Variants in SPECC1L observed in about 807,000 individuals in gnomAD.
SPECC1L encodes sperm antigen with calponin homology and coiled-coil domains 1 like, also known as cytospin-A.
Under a neutral mutation model 116.8 loss-of-function variants are expected in SPECC1L, and 40 were observed. That is an observed-to-expected ratio of 0.34 (90% CI 0.27 to 0.45). The LOEUF is 0.45. Among genes scored for constraint, SPECC1L ranks in the 20% least tolerant of loss-of-function variants. The pLI, the probability that SPECC1L is intolerant of heterozygous loss-of-function variation, is 1.00. For synonymous variants in SPECC1L, 504 were observed against 500.6 expected (o/e 1.01, Z -0.09); for missense variants, 1,110 against 1,373.6 (o/e 0.81, Z 3.03).
chr22:24,401,932 A>G (rs1423479071), intron 14 of SPECC1L, among the ~76,000 whole-genome samples: 3 of 152,114 alleles, frequency 2.0e-5, no homozygotes, highest in African/African-American at 7.2e-5. Flanking sequence ...TTAGATCAAG[A>G]GCAAAGACAT....
Position 24,276,684 on chromosome 22 carries a change from C to G in SPECC1L, c.-141-16C>G, listed in dbSNP as rs1273531277. ...TAAAATTTAAAGCTATTCTATTCTT[C>G]CTCTCTCTCTTCTAGTGTTCTTGGG... is the stretch of plus-strand genomic sequence containing the variant. On this transcript the variant is annotated splice_polypyrimidine_tract_variant and intron_variant, in intron 1 of 16. Coordinates refer to ENST00000314328, the MANE Select transcript of SPECC1L (RefSeq NM_015330.6). The G allele has an allele frequency of 1.9e-5, 8 of 415,874 alleles. No individual in the cohort carries two copies. The highest frequency in any genetic ancestry group is 3.8e-5 in the Non-Finnish European group (8 of 212,154). 25.8% of individuals were successfully genotyped at this position (415,874 alleles called of 1,614,324 possible). A position where few individuals can be genotyped will look rare whatever the true frequency, so the allele number is the denominator to read the frequency against.
chr22:24,290,559 GAC>G (rs1404883162), intron 2 of SPECC1L, among the ~76,000 whole-genome samples: 3 of 152,204 alleles, frequency 2.0e-5, no homozygotes, highest in Admixed American at 1.3e-4. Flanking sequence ...AGCAGTACTG[GAC>G]TTCTGTCTGG....
chr22:24,344,426 A>T (rs2041247441), intron 10 of SPECC1L, among the ~76,000 whole-genome samples: 1 of 152,120 alleles, frequency 6.6e-6, no homozygotes. Flanking sequence ...CTCTTTAGCA[A>T]ACTAGAAATA....
chr22:24,337,889 C>T (rs979082160), intron 9 of SPECC1L, among the ~76,000 whole-genome samples: 59 of 152,176 alleles, frequency 3.9e-4, no homozygotes, highest in African/African-American at 1.4e-3. Context: ...ATTCCACATC[C>T]CTGCATTAAA....
In SPECC1L at chr22:24,317,993, C is replaced by G. The variant is rs1203376988; in HGVS notation, c.308-3295C>G. On this transcript the variant is annotated intron_variant, in intron 4 of 16. Transcript: ENST00000314328. ...GCCGGGAAGAGGCGCTCCTCACTTCCTAGATGGGATGGCGGCTGGGCAGAG... is the reference window on the plus strand; with the variant it reads ...GCCGGGAAGAGGCGCTCCTCACTTCGTAGATGGGATGGCGGCTGGGCAGAG... 4.6e-5 allele frequency among the ~76,000 whole-genome samples: 7 copies of G among 151,388 alleles called. No individual in the cohort carries two copies. In the East Asian group the frequency reaches 9.8e-4, roughly 21 times the overall value.
intron 2 of SPECC1L, among the ~76,000 whole-genome samples, chr22:24,301,864 G>A (rs1280907008): frequency 6.6e-6 from 1 of 151,998 alleles, no homozygotes; most frequent in Non-Finnish European, 1.5e-5. Flanking sequence ...GGCTAACACG[G>A]TGAAACCCTG....
chr22:24,409,983 T>C (rs1457832167), intron 14 of SPECC1L, among the ~76,000 whole-genome samples: 1 of 152,044 alleles, frequency 6.6e-6, no homozygotes. Context: ...GTGAGTCAAC[T>C]CCACTCCAGC....
intron 3 of SPECC1L, among the ~76,000 whole-genome samples, chr22:24,307,991 A>C (rs1295042299): frequency 6.6e-6 from 1 of 152,140 alleles, no homozygotes; most frequent in African/African-American, 2.4e-5. Flanking sequence ...AGTATACTCT[A>C]TCAAGATTCC....
chr22:24,292,006 G>A (rs1481605345), intron 2 of SPECC1L, among the ~76,000 whole-genome samples: 1 of 152,114 alleles, frequency 6.6e-6, no homozygotes, highest in Admixed American at 6.5e-5. Flanking sequence ...TGAATAGGAG[G>A]AACTGAAAGA....
At chr22:24,276,828 G>C (rs1278667863) in intron 2 of SPECC1L, 25 bp downstream of exon 2, 1 of 451,076 alleles carries the variant, frequency 2.2e-6, no homozygotes, top group South Asian at 1.6e-5. Flanking sequence ...CCCAATAAAT[G>C]CCCCTTTTCT....
intron 11 of SPECC1L, among the ~76,000 whole-genome samples, chr22:24,359,502 A>C (rs547144736): frequency 9.9e-5 from 15 of 151,800 alleles, no homozygotes; most frequent in Admixed American, 3.9e-4. Flanking sequence ...TTACCTTCAT[A>C]TCCATCTGTC....
In SPECC1L at chr22:24,302,222, G is replaced by A. The variant is rs776270984; in HGVS notation, c.-10G>A. On this transcript the variant is annotated 5_prime_UTR_variant, in exon 3 of 17. Coordinates refer to ENST00000314328, the MANE Select transcript of SPECC1L (RefSeq NM_015330.6). The stretch of plus-strand genomic sequence containing the variant: ...TTGCTTGTAAATGCATCACGAAGAG[G>A]CAGCCCAGAATGAAGAAAGCAAGCA... 3 of 1,613,956 alleles carry A rather than the reference G, an allele frequency of 1.9e-6. No homozygotes were observed. The highest frequency in any genetic ancestry group is 2.5e-6 in the Non-Finnish European group (3 of 1,179,966).
intron 11 of SPECC1L, among the ~76,000 whole-genome samples, chr22:24,358,073 G>A (rs1218481023): frequency 5.3e-5 from 8 of 150,856 alleles, no homozygotes. Flanking sequence ...TTGTGTCTTG[G>A]GTGTAAGGAT....
intron 15 of SPECC1L, chr22:24,412,421 C>G (rs1457901109): frequency 3.2e-6 from 2 of 616,630 alleles, no homozygotes; most frequent in African/African-American, 1.8e-5. Context: ...GAGGAAAGAA[C>G]GGGTGTTGGT....
intron 14 of SPECC1L, among the ~76,000 whole-genome samples, chr22:24,372,102 T>C (rs2041882598): frequency 6.6e-6 from 1 of 152,148 alleles, no homozygotes. Context: ...CTTAAGGAAG[T>C]AGACCAATAA....
intron 4 of SPECC1L, among the ~76,000 whole-genome samples, chr22:24,316,781 A>G (rs1293231853): frequency 2.0e-5 from 3 of 148,776 alleles, no homozygotes; most frequent in Admixed American, 6.7e-5. Flanking sequence ...CCCATTCTCA[A>G]TGAGCTGTTG....
At chr22:24,339,801 G>A (rs1319597897) in intron 10 of SPECC1L, among the ~76,000 whole-genome samples, 3 of 151,624 alleles carry the variant, frequency 2.0e-5, no homozygotes, top group Non-Finnish European at 4.4e-5. Context: ...TTTTTACCCC[G>A]AAACGGGGTC....
chr22:24,287,659 A>G (rs1027231793), intron 2 of SPECC1L, among the ~76,000 whole-genome samples: 8 of 152,132 alleles, frequency 5.3e-5, no homozygotes, highest in Non-Finnish European at 8.8e-5. Flanking sequence ...GGTGGGGTGG[A>G]TGTGGCTGTT....
intron 14 of SPECC1L, among the ~76,000 whole-genome samples, chr22:24,378,295 G>A (rs2042005945): frequency 6.6e-6 from 1 of 152,260 alleles, no homozygotes; most frequent in Admixed American, 6.5e-5. Context: ...ATTGAAGAGA[G>A]TTAGGGCCTT....
Sources: gnomAD v4.1 joint callset for allele counts (sites outside exome capture counted in the v4.1 genomes callset) on GRCh38, gnomAD v4.1.1 for gene constraint, MANE v1.5 for transcripts, NCBI Gene and HGNC (gene_info 2026-07-23, HGNC 2026-07-21) for gene names.